Variants in TRAP1 observed in about 807,000 individuals in gnomAD.
TRAP1 encodes heat shock protein 75 kDa, mitochondrial.
TRAP1 carries 102 observed loss-of-function variants against 89.1 expected under a neutral mutation model. The ratio of observed to expected loss-of-function variants is 1.15; its 90% confidence interval spans 0.98 to 1.35. The LOEUF is 1.35. Ranked by LOEUF, TRAP1 falls within the 40% of genes most tolerant of loss-of-function variation. The pLI is 0.00. For synonymous variants in TRAP1, 508 were observed against 388.0 expected (o/e 1.31, Z -3.64); for missense variants, 1,256 against 945.3 (o/e 1.33, Z -4.31).
In TRAP1 at chr16:3,668,893, C is replaced by G. The variant is rs1167283080; in HGVS notation, c.1236-2775G>C. On this transcript the variant is annotated intron_variant, in intron 11 of 17. Transcript: ENST00000246957. The stretch of plus-strand genomic sequence containing the variant: ...AGAAGAAATACTCAGGAAACACATT[C>G]AGGATGGGGAGAGGAACGCAGCCGC... Among the ~76,000 whole-genome samples, 6 of 152,352 alleles carry G rather than the reference C, an allele frequency of 3.9e-5. 1 individual carries two copies. Among genetic ancestry groups the G allele is most frequent in the Non-Finnish European group, 4.4e-5 (3 of 68,024 alleles).
At chr16:3,697,541 G>A (rs1017313729) in intron 1 of TRAP1, among the ~76,000 whole-genome samples, 4 of 151,546 alleles carry the variant, frequency 2.6e-5, no homozygotes, top group East Asian at 4.0e-4. Flanking sequence ...GTGGGCGCCT[G>A]TAGTCCCAGC....
intron 1 of TRAP1, 76 bp from the exon 2 acceptor site, chr16:3,691,061 G>A: frequency 1.5e-6 from 2 of 1,354,124 alleles, no homozygotes; most frequent in South Asian, 1.7e-5. Context: ...TCCCATCAAG[G>A]GTGTCTAGCA....
At chr16:3,663,150 T>C (rs576180913) in intron 14 of TRAP1, 183 bp from the exon 15 acceptor site, 2 of 660,078 alleles carry the variant, frequency 3.0e-6, no homozygotes, top group South Asian at 3.9e-5. Flanking sequence ...CTGAGGCCCA[T>C]ACAACTTGGT....
chr16:3,689,134 G>A lies in TRAP1; in HGVS notation c.251C>T (p.Ser84Phe), dbSNP rs1567236969. The A allele has an allele frequency of 1.9e-6, 3 of 1,613,214 alleles. No homozygotes were observed. The highest frequency in any genetic ancestry group is 1.7e-6 in the Non-Finnish European group (2 of 1,179,552). Residue 84 changes from serine (S) to phenylalanine (F), a missense_variant, in exon 3 of 18, where the codon TCC (serine) becomes TTC (phenylalanine). Physicochemically the swap from Ser to Phe is radical, Grantham distance 155. Transcript: ENST00000246957. ...GGCCTGGAACTCATGTTTGGAAGTG[G>A]AACCTAGTAATGAAACACAGACACA... ...IISSTESVQG[S>F]TSKHEFQAET...
At chr16:3,690,285 T>C (rs1009376056) in intron 2 of TRAP1, among the ~76,000 whole-genome samples, 11 of 152,160 alleles carry the variant, frequency 7.2e-5, no homozygotes, top group Non-Finnish European at 1.6e-4. Flanking sequence ...GGATTACAAG[T>C]GTGAGCCACT....
intron 1 of TRAP1, among the ~76,000 whole-genome samples, chr16:3,713,210 G>C (rs932121951): frequency 2.0e-5 from 3 of 152,156 alleles, no homozygotes; most frequent in African/African-American, 7.2e-5. Context: ...TTCTCCTGAA[G>C]GGTGCAGCAC....
chr16:3,698,875 G>A (rs572532032), intron 1 of TRAP1, among the ~76,000 whole-genome samples: 1 of 151,538 alleles, frequency 6.6e-6, no homozygotes, highest in Non-Finnish European at 1.5e-5. Context: ...GATGCAGCCA[G>A]GCCCTGTCTC....
intron 1 of TRAP1, among the ~76,000 whole-genome samples, chr16:3,693,514 C>G (rs2051244821): frequency 6.6e-6 from 1 of 152,172 alleles, no homozygotes; most frequent in Non-Finnish European, 1.5e-5. Context: ...CAAAGCACAG[C>G]CAGCCCTGGG....
chr16:3,705,291 G>C (rs766155183), intron 1 of TRAP1, among the ~76,000 whole-genome samples: 1 of 151,868 alleles, frequency 6.6e-6, no homozygotes, highest in Non-Finnish European at 1.5e-5. Flanking sequence ...GGATGGTCTC[G>C]ATCTCCTGAC....
chr16:3,703,816 T>C (rs1358394886), intron 1 of TRAP1, among the ~76,000 whole-genome samples: 2 of 148,712 alleles, frequency 1.3e-5, no homozygotes, highest in Non-Finnish European at 3.0e-5. Context: ...GAGATCAAGA[T>C]CATCCTGGCT....
chr16:3,677,382 T>C (rs2151257931), intron 6 of TRAP1, 116 bp downstream of exon 6: 2 of 1,391,144 alleles, frequency 1.4e-6, no homozygotes, highest in Non-Finnish European at 2.0e-6. Context: ...TCAGATTTCA[T>C]ATAAAAAGCC....
At chr16:3,658,638 A>T (rs954982553) in intron 17 of TRAP1, 155 bp downstream of exon 17, 1 of 725,780 alleles carries the variant, frequency 1.4e-6, no homozygotes, top group East Asian at 2.8e-5. Context: ...GCGCCACTGC[A>T]CTCCAGCCTG....
intron 1 of TRAP1, among the ~76,000 whole-genome samples, chr16:3,712,582 A>C (rs1478739240): frequency 6.6e-6 from 1 of 151,984 alleles, no homozygotes; most frequent in Non-Finnish European, 1.5e-5. Context: ...TAACCAATAA[A>C]CGCTTTGCTA....
intron 13 of TRAP1, 53 bp from the exon 14 acceptor site, chr16:3,663,615 C>G: frequency 1.9e-6 from 3 of 1,607,562 alleles, no homozygotes; most frequent in Non-Finnish European, 2.5e-6. Context: ...CCAGCCACCA[C>G]AGAAGAAAGG....
In TRAP1 at chr16:3,686,520, T is replaced by A. The variant is rs572273677; in HGVS notation, c.331-384A>T. On this transcript the variant is annotated intron_variant, in intron 3 of 17. Transcript: ENST00000246957. ...TTTATAGACACAGGGTCTCGCTATGTTGCCCAGGCTGGTCTTGATCTCCCA... is the reference window on the plus strand; with the variant it reads ...TTTATAGACACAGGGTCTCGCTATGATGCCCAGGCTGGTCTTGATCTCCCA... Among the ~76,000 whole-genome samples, 5 of 152,306 alleles carry A rather than the reference T, an allele frequency of 3.3e-5. 1 individual carries two copies. Among genetic ancestry groups the A allele is most frequent in the African/African-American group, 1.2e-4 (5 of 41,576 alleles).
intron 1 of TRAP1, among the ~76,000 whole-genome samples, chr16:3,698,320 T>C (rs1447300528): frequency 2.1e-5 from 3 of 144,104 alleles, no homozygotes; most frequent in African/African-American, 7.7e-5. Flanking sequence ...CACAACAACT[T>C]TTTTTTTTTT....
In TRAP1 at chr16:3,709,775, T is replaced by G. The variant is rs189908990; in HGVS notation, c.88+7646A>C. 2.0e-3 allele frequency among the ~76,000 whole-genome samples: 306 copies of G among 152,138 alleles called. 3 individuals carry two copies. The highest frequency in any genetic ancestry group is 0.016 in the South Asian group (75 of 4,824). ...AAGCGATTCTCCTGCCTCAGCCTCC[T>G]AAGTAGCTGGGATTACAGGCATGCG... On this transcript the variant is annotated intron_variant, in intron 1 of 17. Transcript: ENST00000246957.
chr16:3,677,403 C>T (rs2051012897), intron 6 of TRAP1, 95 bp downstream of exon 6: 1 of 1,508,258 alleles, frequency 6.6e-7, no homozygotes, highest in Admixed American at 1.8e-5. Flanking sequence ...CAGAAAATGC[C>T]TGTGTACGTT....
intron 1 of TRAP1, among the ~76,000 whole-genome samples, chr16:3,703,964 G>C (rs1019088020): frequency 6.6e-5 from 10 of 151,672 alleles, no homozygotes; most frequent in Admixed American, 6.6e-4. Flanking sequence ...GCAGTGAGCC[G>C]AGATCGCGCC....
Sources: allele counts gnomAD v4.1 joint callset (sites outside exome capture counted in the v4.1 genomes callset), GRCh38; gene constraint gnomAD v4.1.1; transcripts MANE v1.5; gene names NCBI Gene and HGNC (gene_info 2026-07-23, HGNC 2026-07-21).